CCDC30: variants seen among roughly 807,000 people sequenced by gnomAD.
CCDC30 encodes the protein coiled-coil domain-containing protein 30.
A neutral mutation model predicts 100.2 loss-of-function variants in CCDC30; 70 were observed. That is an observed-to-expected ratio of 0.70 (90% CI 0.58 to 0.85). CCDC30 has a LOEUF of 0.85. CCDC30 is among the 40% of genes least tolerant of loss of function. The probability of loss-of-function intolerance (pLI) is 0.00; values close to 1 mark genes in which losing one functional copy is unlikely to be tolerated. For synonymous variants in CCDC30, 233 were observed against 269.5 expected (o/e 0.86, Z 1.33); for missense variants, 652 against 771.2 (o/e 0.85, Z 1.83).
intron 6 of CCDC30, 118 bp from the exon 10 acceptor site, chr1:42,556,038 T>C (rs1349442391): frequency 1.0e-5 from 10 of 976,636 alleles, no homozygotes; most frequent in Middle Eastern, 2.9e-4. Flanking sequence ...ACTGTTGTGC[T>C]ATAGAATTCA....
chr1:42,633,628 G>A (rs762447953), intron 11 of CCDC30, among the ~76,000 whole-genome samples: 1 of 152,146 alleles, frequency 6.6e-6, no homozygotes, highest in Non-Finnish European at 1.5e-5. Context: ...CAGCCTCCCA[G>A]GCCAGTCTCC....
intron 6 of CCDC30, chr1:42,500,416 T>TCA: frequency 1.1e-6 from 1 of 914,792 alleles, no homozygotes. Flanking sequence ...CACCGAGTTC[T>TCA]CTCTTTTTTT....
At chr1:42,481,339 G>C (rs1412800328) in intron 2 of CCDC30, among the ~76,000 whole-genome samples, 1 of 151,900 alleles carries the variant, frequency 6.6e-6, no homozygotes, top group Admixed American at 6.6e-5. Flanking sequence ...ACTTTGGGAG[G>C]CCAAGGCAGA....
At chr1:42,519,339 G>T (rs1644601149) in intron 6 of CCDC30, among the ~76,000 whole-genome samples, 1 of 152,144 alleles carries the variant, frequency 6.6e-6, no homozygotes, top group Non-Finnish European at 1.5e-5. Flanking sequence ...TTTTCTTAAA[G>T]GAACATTGGG....
intron 1 of CCDC30, chr1:42,473,238 A>G (rs1643826439): frequency 1.6e-6 from 2 of 1,231,460 alleles, no homozygotes; most frequent in African/African-American, 1.6e-5. Context: ...CAGTGAAGAC[A>G]GGCTGAGGAC....
At position 42,646,167 on chromosome 1, in the gene CCDC30, G is replaced by A. The variant is rs764768163; in HGVS notation, c.1704G>A (p.Trp568Ter). ...AGGAGTTTCCTGTTCCAAAATGGTG[G>A]CATAGAGGCAAGCTGGCTTCTCTCC... Residue 568 changes from tryptophan (W) to a stop codon, truncating the protein, a stop_gained, in exon 15 of 17, where the codon TGG becomes TGA. Coordinates refer to ENST00000668663, the Ensembl canonical transcript of CCDC30. LOFTEE classifies it high-confidence loss of function. 4.4e-6 allele frequency: 7 copies of A among 1,602,672 alleles called. No homozygotes were observed. In the Admixed American group the frequency reaches 1.0e-4, roughly 24 times the overall value.
At chr1:42,523,807 A>C (rs1350181369) in intron 6 of CCDC30, among the ~76,000 whole-genome samples, 2 of 152,040 alleles carry the variant, frequency 1.3e-5, no homozygotes, top group Non-Finnish European at 2.9e-5. Flanking sequence ...CAAACTCAGT[A>C]ATTTCAATTG....
intron 1 of CCDC30, among the ~76,000 whole-genome samples, chr1:42,475,537 A>G (rs1643872934): frequency 6.6e-6 from 1 of 152,172 alleles, no homozygotes; most frequent in African/African-American, 2.4e-5. Context: ...CCCTAATTCT[A>G]GAAATTAACA....
chr1:42,466,880 T>C (rs1557785177), intron 1 of CCDC30, among the ~76,000 whole-genome samples: 1 of 152,210 alleles, frequency 6.6e-6, no homozygotes, highest in Non-Finnish European at 1.5e-5. Context: ...TACTTTGTTG[T>C]GTGGGCAATT....
intron 7 of CCDC30, among the ~76,000 whole-genome samples, chr1:42,576,319 A>G (rs1645836557): frequency 6.6e-6 from 1 of 152,222 alleles, no homozygotes; most frequent in Admixed American, 6.5e-5. Context: ...ATAGAATGAC[A>G]GCATGTGCTA....
intron 6 of CCDC30, among the ~76,000 whole-genome samples, chr1:42,547,321 A>C (rs1251068374): frequency 6.6e-6 from 1 of 152,216 alleles, no homozygotes; most frequent in Non-Finnish European, 1.5e-5. Context: ...TTATTAGATA[A>C]AATGGAGATG....
intron 11 of CCDC30, among the ~76,000 whole-genome samples, chr1:42,618,557 C>T (rs1384940296): frequency 6.6e-6 from 1 of 152,088 alleles, no homozygotes; most frequent in Non-Finnish European, 1.5e-5. Flanking sequence ...ATATCTTTTA[C>T]CAAACGTTCC....
At chr1:42,539,203 T>C in intron 6 of CCDC30, 2 of 1,605,774 alleles carry the variant, frequency 1.2e-6, no homozygotes, top group Non-Finnish European at 1.7e-6. Context: ...AGAGCTTATA[T>C]GCCTTTATAA....
At chr1:42,473,286 A>G (rs1459843310) in intron 1 of CCDC30, 10 of 1,231,194 alleles carry the variant, frequency 8.1e-6, no homozygotes, top group Non-Finnish European at 9.1e-6. Flanking sequence ...AGTGAAGCAC[A>G]TGGGTGAAAC....
intron 11 of CCDC30, among the ~76,000 whole-genome samples, chr1:42,634,265 A>C (rs562980136): frequency 0.26 from 38,562 of 150,532 alleles, 5,374 homozygotes; most frequent in Middle Eastern, 0.28. Flanking sequence ...AAAAAAAAAA[A>C]AAAAAAAAAC....
chr1:42,566,216 C>T lies in CCDC30; in HGVS notation c.457-80C>T, dbSNP rs1645602454. On this transcript the variant is annotated intron_variant, in intron 6 of 16. Transcript: ENST00000668663. ...GTGAATAATCACATTCTGACAATTC[C>T]GGTTCTGACAACTTGAACCCATGTT... 10 of 1,068,942 alleles carry T rather than the reference C, an allele frequency of 9.4e-6. 1 individual carries two copies. The Admixed American group carries it at 9.7e-5, about 10-fold the overall frequency. The allele number at this position is 1,068,942 out of a possible 1,614,324, so 66.2% of individuals were successfully genotyped here.
At chr1:42,553,966 C>T (rs1432241752) in intron 6 of CCDC30, among the ~76,000 whole-genome samples, 1 of 151,938 alleles carries the variant, frequency 6.6e-6, no homozygotes, top group African/African-American at 2.4e-5. Context: ...CTCCCTGTTC[C>T]TTTCCAGCTT....
chr1:42,548,237 G>A (rs1297557344), intron 6 of CCDC30, among the ~76,000 whole-genome samples: 2 of 152,198 alleles, frequency 1.3e-5, no homozygotes. Flanking sequence ...GTGTTTGGTA[G>A]CGTGGAGGAT....
At chr1:42,529,267 T>C (rs1644771838) in intron 6 of CCDC30, among the ~76,000 whole-genome samples, 1 of 152,056 alleles carries the variant, frequency 6.6e-6, no homozygotes, top group African/African-American at 2.4e-5. Flanking sequence ...AGGTCAGGAG[T>C]TCGAGACCAA....
Sources: allele counts gnomAD v4.1 joint callset (sites outside exome capture counted in the v4.1 genomes callset), GRCh38; gene constraint gnomAD v4.1.1; transcripts MANE v1.5; gene names NCBI Gene and HGNC (gene_info 2026-07-23, HGNC 2026-07-21).